The following SV2C variants were observed in gnomAD, a reference collection of about 807,000 sequenced individuals.
SV2C encodes the protein solute carrier family 22 member B3.
Under a neutral mutation model 79.7 loss-of-function variants are expected in SV2C, and 49 were observed. The ratio of observed to expected loss-of-function variants is 0.61; its 90% confidence interval spans 0.49 to 0.78. The LOEUF is 0.78. SV2C is among the 30% of genes least tolerant of loss of function. The pLI is 0.00. For synonymous variants in SV2C, 334 were observed against 333.2 expected (o/e 1.00, Z -0.03); for missense variants, 833 against 912.9 (o/e 0.91, Z 1.13).
At chr5:75,902,679 C>A in the SV2C span, among the ~76,000 whole-genome samples, 1 of 149,854 alleles carries the variant, frequency 6.7e-6, no homozygotes, top group Non-Finnish European at 1.5e-5. Context: ...GTTTTTAGTG[C>A]AGACTTTTAT....
At chr5:76,342,854 G>GTA (rs1384814806) in intron 12 of SV2C, among the ~76,000 whole-genome samples, 1 of 151,406 alleles carries the variant, frequency 6.6e-6, no homozygotes, top group Non-Finnish European at 1.5e-5. Context: ...TGGTATGTTG[G>GTA]TATACATAGA....
At chr5:76,258,633 AT>A (rs1329885375) in intron 4 of SV2C, among the ~76,000 whole-genome samples, 2 of 152,220 alleles carry the variant, frequency 1.3e-5, no homozygotes, top group Non-Finnish European at 2.9e-5. Flanking sequence ...TTTTGTGGAA[AT>A]GTAATCTTGC....
chr5:76,033,441 G>C, the SV2C span, among the ~76,000 whole-genome samples: 1 of 152,198 alleles, frequency 6.6e-6, no homozygotes, highest in South Asian at 2.1e-4. Context: ...GTAAGGAAGG[G>C]ATCCAGTTTC....
At chr5:76,134,586 G>A (rs893409885) in intron 2 of SV2C, among the ~76,000 whole-genome samples, 14 of 152,156 alleles carry the variant, frequency 9.2e-5, no homozygotes, top group Non-Finnish European at 1.9e-4. Flanking sequence ...AGGAAGACCA[G>A]GAACAAAAAT....
chr5:76,184,525 T>C (rs1743849138), intron 2 of SV2C, among the ~76,000 whole-genome samples: 1 of 152,228 alleles, frequency 6.6e-6, no homozygotes, highest in Admixed American at 6.5e-5. Flanking sequence ...AGAGGTTTAA[T>C]TGACTCACAG....
intron 12 of SV2C, among the ~76,000 whole-genome samples, chr5:76,342,659 A>G (rs1749465426): frequency 6.6e-6 from 1 of 152,182 alleles, no homozygotes; most frequent in African/African-American, 2.4e-5. Context: ...GCTCACACCT[A>G]AGTTCTCCAC....
At chr5:76,111,178 G>T (rs1748084267) in intron 1 of SV2C, among the ~76,000 whole-genome samples, 1 of 152,142 alleles carries the variant, frequency 6.6e-6, no homozygotes, top group Admixed American at 6.5e-5. Flanking sequence ...TTTTTTGGGG[G>T]AGGAGAAGTG....
chr5:76,065,599 ACTTC>A, the SV2C span, among the ~76,000 whole-genome samples: 1 of 152,192 alleles, frequency 6.6e-6, no homozygotes, highest in African/African-American at 2.4e-5. Flanking sequence ...CATTTTGAAT[ACTTC>A]CTTCCTGTGT....
Position 76,242,239 on chromosome 5 carries a change from G to A in SV2C, c.913+32352G>A, listed in dbSNP as rs541112578. 4,443 of 1,027,308 alleles carry A rather than the reference G, an allele frequency of 4.3e-3. 21 individuals are homozygous for A. The highest frequency in any genetic ancestry group is 5.9e-3 in the Non-Finnish European group (3,865 of 654,592). 63.6% of individuals were successfully genotyped at this position (1,027,308 alleles called of 1,614,324 possible). ...ACCTCGCGGATCTTCTCTGTGGTTC[G>A]TCCTTCACCTTGGCTTTATCTCCCT... On this transcript the variant is annotated intron_variant, in intron 4 of 12. Transcript: ENST00000502798.
At chr5:76,108,187 A>G (rs1410098465) in intron 1 of SV2C, among the ~76,000 whole-genome samples, 2 of 152,228 alleles carry the variant, frequency 1.3e-5, no homozygotes, top group African/African-American at 4.8e-5. Context: ...ATGTAATATG[A>G]AAGCAACTTA....
the SV2C span, among the ~76,000 whole-genome samples, chr5:76,045,656 G>A: frequency 6.6e-6 from 1 of 152,144 alleles, no homozygotes; most frequent in African/African-American, 2.4e-5. Flanking sequence ...GGGCTAAGAT[G>A]TTTGTTTTCT....
chr5:76,144,443 T>C (rs1749356971), intron 2 of SV2C, among the ~76,000 whole-genome samples: 1 of 152,168 alleles, frequency 6.6e-6, no homozygotes, highest in Non-Finnish European at 1.5e-5. Flanking sequence ...TCACCATTCA[T>C]CTTGGTTTAG....
upstream of SV2C, chr5:76,078,895 TA>T: frequency 8.9e-6 from 5 of 562,856 alleles, no homozygotes; most frequent in East Asian, 2.3e-4. Context: ...CCTTCAGAGT[TA>T]CAATGATGAC....
chr5:76,081,389 A>G (rs1249616110), upstream of SV2C, among the ~76,000 whole-genome samples: 2 of 152,218 alleles, frequency 1.3e-5, no homozygotes, highest in African/African-American at 4.8e-5. Context: ...AAATTTTTAT[A>G]AATAACATGC....
chr5:75,864,181 T>A, the SV2C span, among the ~76,000 whole-genome samples: 2 of 152,234 alleles, frequency 1.3e-5, no homozygotes, highest in Non-Finnish European at 2.9e-5. Flanking sequence ...GTTCTTTTTT[T>A]ATAGAAAAAC....
the SV2C span, among the ~76,000 whole-genome samples, chr5:75,927,983 G>A: frequency 9.2e-5 from 14 of 152,298 alleles, no homozygotes; most frequent in South Asian, 2.1e-4. Context: ...AACTTTCATC[G>A]AGTGTCTATT....
chr5:76,296,786 G>A (rs1372069618), intron 9 of SV2C, among the ~76,000 whole-genome samples: 1 of 152,136 alleles, frequency 6.6e-6, no homozygotes, highest in Non-Finnish European at 1.5e-5. Flanking sequence ...TCTATGTAAT[G>A]GAAAAGAGGG....
At chr5:76,353,395 C>G in exon 13 of SV2C, 1 of 201,792 alleles carries the variant, frequency 5.0e-6, no homozygotes, top group South Asian at 6.3e-5. Flanking sequence ...GTAACCAAGT[C>G]AACAAGTGTG....
rs796926428 is a variant in SV2C at position 76,238,027 on chromosome 5, TACACACACAC to T, written c.913+28170_913+28179del. Among the ~76,000 whole-genome samples the T allele has an allele frequency of 3.2e-4, 39 of 122,928 alleles. 1 individual carries two copies. The highest frequency in any genetic ancestry group is 7.0e-4 in the African/African-American group (26 of 37,238). The allele number at this position is 122,928 out of a possible 152,430, so 80.6% of individuals were successfully genotyped here. On this transcript the variant is annotated intron_variant, in intron 4 of 12. Transcript: ENST00000502798. ...ACATACATATACACACAATCACACA[TACACACACAC>T]ACACACACACACACACACACACACA...
Sources: gnomAD v4.1 joint callset for allele counts (sites outside exome capture counted in the v4.1 genomes callset) on GRCh38, gnomAD v4.1.1 for gene constraint, MANE v1.5 for transcripts, NCBI Gene and HGNC (gene_info 2026-07-23, HGNC 2026-07-21) for gene names.